The following VAV2 variants were observed in gnomAD, a reference collection of about 807,000 sequenced individuals.
VAV2 encodes the protein guanine nucleotide exchange factor VAV2.
A neutral mutation model predicts 132.5 loss-of-function variants in VAV2; 67 were observed. The observed-to-expected ratio is 0.51, with a 90% CI of 0.42 to 0.62. The LOEUF (loss-of-function observed/expected upper bound fraction) is 0.62. VAV2 is among the 20% of genes least tolerant of loss of function. The pLI, the probability that VAV2 is intolerant of heterozygous loss-of-function variation, is 0.00. For missense variants in VAV2, 938 were observed against 1,153.6 expected (o/e 0.81, Z 2.71); for synonymous variants, 492 against 443.5 (o/e 1.11, Z -1.37).
intron 3 of VAV2, among the ~76,000 whole-genome samples, chr9:133,853,626 C>T (rs1296301474): frequency 2.0e-5 from 3 of 152,118 alleles, no homozygotes; most frequent in African/African-American, 7.2e-5. Flanking sequence ...TGCCGCCCCC[C>T]TTTGCTGCAC....
chr9:133,970,351 G>A (rs539602538), intron 1 of VAV2, among the ~76,000 whole-genome samples: 6 of 152,286 alleles, frequency 3.9e-5, no homozygotes, highest in Non-Finnish European at 5.9e-5. Context: ...TTTCCCAAGC[G>A]GAGGCTGGGG....
chr9:133,767,314 GGT>G (rs1833470178), intron 29 of VAV2, among the ~76,000 whole-genome samples: 1 of 152,084 alleles, frequency 6.6e-6, no homozygotes, highest in South Asian at 2.1e-4. Context: ...CAAGAAAGCT[GGT>G]GTCACAAAAG....
intron 3 of VAV2, among the ~76,000 whole-genome samples, chr9:133,860,742 C>T (rs192996594): frequency 6.6e-4 from 100 of 152,300 alleles, no homozygotes; most frequent in Non-Finnish European, 1.2e-3. Flanking sequence ...AACCTGGTCT[C>T]CCTGACCTCA....
intron 1 of VAV2, among the ~76,000 whole-genome samples, chr9:133,947,418 C>G (rs1841398971): frequency 6.6e-6 from 1 of 152,136 alleles, no homozygotes; most frequent in Non-Finnish European, 1.5e-5. Context: ...ACTGGTCTGT[C>G]GTTGGGCGCG....
At chr9:133,888,384 A>G (rs1271362265) in intron 2 of VAV2, among the ~76,000 whole-genome samples, 3 of 82,026 alleles carry the variant, frequency 3.7e-5, no homozygotes, top group East Asian at 5.4e-4. Context: ...ACCACAGTCA[A>G]TAAAACAAAA....
rs1024162744 is a variant in VAV2 at position 133,969,869 on chromosome 9, C to G, written c.204+22206G>C. On this transcript the variant is annotated intron_variant, in intron 1 of 29. Coordinates refer to ENST00000371850, the MANE Select transcript of VAV2 (RefSeq NM_001134398.2). The surrounding 1 kb of genome is among the most constrained non-coding windows in gnomAD (Gnocchi z 5.1). ...TCCAGGTGTCCCTGTAGTGCAGACA[C>G]AGTGGAGCTTTCCAAAGCCAAATCT... Among the ~76,000 whole-genome samples the G allele has an allele frequency of 5.3e-5, 8 of 152,096 alleles. No individual in the cohort carries two copies. The highest frequency in any genetic ancestry group is 1.9e-4 in the African/African-American group (8 of 41,420).
chr9:133,942,728 G>A (rs1198861181), intron 1 of VAV2, among the ~76,000 whole-genome samples: 1 of 152,224 alleles, frequency 6.6e-6, no homozygotes, highest in African/African-American at 2.4e-5. Flanking sequence ...CCTTTCCCAT[G>A]GGCCCAGCAA....
intron 1 of VAV2, among the ~76,000 whole-genome samples, chr9:133,953,897 T>G (rs929751454): frequency 1.3e-5 from 2 of 152,074 alleles, no homozygotes; most frequent in African/African-American, 4.8e-5. Flanking sequence ...CTAGGTGTCC[T>G]CCCTCTGCAG....
intron 2 of VAV2, among the ~76,000 whole-genome samples, chr9:133,895,346 A>G (rs1311914278): frequency 1.3e-5 from 2 of 152,210 alleles, no homozygotes; most frequent in African/African-American, 4.8e-5. Context: ...GCCTGTCTGT[A>G]ACATGACTCT....
chr9:133,982,766 G>C (rs2132296484), intron 1 of VAV2, among the ~76,000 whole-genome samples: 1 of 152,360 alleles, frequency 6.6e-6, no homozygotes, highest in East Asian at 1.9e-4. Flanking sequence ...GTTTTTAAAT[G>C]GTTGAGCAGG....
At chr9:133,932,659 G>C (rs928079362) in intron 2 of VAV2, among the ~76,000 whole-genome samples, 2 of 152,194 alleles carry the variant, frequency 1.3e-5, no homozygotes, top group South Asian at 2.1e-4. Context: ...AGAAACAAAG[G>C]CTCAACGAGA....
intron 2 of VAV2, among the ~76,000 whole-genome samples, chr9:133,889,641 C>T (rs1176085740): frequency 1.3e-5 from 2 of 152,160 alleles, no homozygotes; most frequent in Admixed American, 1.3e-4. Flanking sequence ...TTAAGCCAGC[C>T]GGCCCGTCAG....
intron 1 of VAV2, among the ~76,000 whole-genome samples, chr9:133,949,038 G>A (rs935921997): frequency 1.3e-5 from 2 of 152,188 alleles, no homozygotes; most frequent in Middle Eastern, 3.2e-3. Context: ...AGGCTCTGTC[G>A]GTGGGTGCCT....
intron 11 of VAV2, among the ~76,000 whole-genome samples, chr9:133,795,945 T>C (rs969101831): frequency 8.5e-5 from 13 of 152,174 alleles, no homozygotes; most frequent in Non-Finnish European, 1.9e-4. Flanking sequence ...GCAGGGGCGC[T>C]CCCAAACCTT....
intron 9 of VAV2, among the ~76,000 whole-genome samples, chr9:133,803,728 G>A (rs891374062): frequency 7.2e-5 from 11 of 152,140 alleles, no homozygotes; most frequent in African/African-American, 1.7e-4. Context: ...CTTCACCCCC[G>A]ACGAGCTGCC....
intron 21 of VAV2, among the ~76,000 whole-genome samples, chr9:133,779,206 T>A (rs972643766): frequency 2.0e-5 from 3 of 152,236 alleles, no homozygotes; most frequent in African/African-American, 7.2e-5. Context: ...AGACGGGGGA[T>A]CCCTCGTGTC....
At chr9:133,954,849 A>G (rs770119622) in intron 1 of VAV2, among the ~76,000 whole-genome samples, 5 of 152,146 alleles carry the variant, frequency 3.3e-5, no homozygotes, top group Non-Finnish European at 7.4e-5. Context: ...ACGATAAATA[A>G]AGCTAAGCAA....
rs191515732 is a variant in VAV2, at chr9:133,935,682, C to A, written c.321+3421G>T. Among the ~76,000 whole-genome samples, 1 of 152,234 alleles carries A rather than the reference C, an allele frequency of 6.6e-6. No homozygotes were observed. The highest frequency in any genetic ancestry group is 1.5e-5 in the Non-Finnish European group (1 of 68,034). ...CCAGACCGTGGTGAACGTCCCAGCT[C>A]CCCAGCCTCCGCTGGCCCCAGGCCA... is the stretch of plus-strand genomic sequence containing the variant. On this transcript the variant is annotated intron_variant, in intron 2 of 29. Coordinates refer to ENST00000371850, the MANE Select transcript of VAV2 (RefSeq NM_001134398.2). The surrounding 1 kb of genome is among the most constrained non-coding windows in gnomAD (Gnocchi z 5.2).
intron 2 of VAV2, among the ~76,000 whole-genome samples, chr9:133,900,770 T>TTG (rs1564449323): frequency 1.6e-3 from 35 of 21,576 alleles, no homozygotes; most frequent in African/African-American, 2.9e-3. Context: ...TGTCTTGATT[T>TTG]ATTTATTTAT....
Sources: gnomAD v4.1 joint callset for allele counts (sites outside exome capture counted in the v4.1 genomes callset) on GRCh38, gnomAD v4.1.1 for gene constraint, Gnocchi (gnomAD v3.1) non-coding constraint, MANE v1.5 for transcripts, NCBI Gene and HGNC (gene_info 2026-07-23, HGNC 2026-07-21) for gene names.